The following IRF2 variants were observed in gnomAD, a reference collection of about 807,000 sequenced individuals.
IRF2 encodes the protein interferon regulatory factor 2.
In IRF2, 15 loss-of-function variants were observed where a neutral mutation model predicts 40.6. The observed-to-expected ratio is 0.37, with a 90% CI of 0.25 to 0.57. The LOEUF (loss-of-function observed/expected upper bound fraction) is 0.57. IRF2 is among the 20% of genes least tolerant of loss of function. The pLI is 0.77. For missense variants in IRF2, 317 were observed against 455.7 expected, an observed-to-expected ratio of 0.70 and a Z score of 2.77; for synonymous variants, 151 against 165.5, an observed-to-expected ratio of 0.91 and a Z score of 0.67.
intron 2 of IRF2, among the ~76,000 whole-genome samples, chr4:184,425,508 C>T (rs1485615426): frequency 6.6e-6 from 1 of 152,244 alleles, no homozygotes; most frequent in African/African-American, 2.4e-5. Context: ...GTGCAGGCCT[C>T]GGCCTCTGTT....
chr4:184,449,683 C>T (rs1405867378), intron 1 of IRF2, among the ~76,000 whole-genome samples: 2 of 152,280 alleles, frequency 1.3e-5, no homozygotes. Context: ...GACAGGCAGT[C>T]GGGGATACCT....
At chr4:184,407,714 A>G (rs1161928502) in intron 6 of IRF2, among the ~76,000 whole-genome samples, 1 of 152,214 alleles carries the variant, frequency 6.6e-6, no homozygotes, top group Non-Finnish European at 1.5e-5. Context: ...GTGCTCAAAA[A>G]TATCTGCTGA....
intron 4 of IRF2, 29 bp from the exon 5 acceptor site, chr4:184,418,242 T>A: frequency 6.4e-7 from 1 of 1,572,580 alleles, no homozygotes; most frequent in Non-Finnish European, 8.8e-7. Flanking sequence ...AGTTTTGGAT[T>A]AATTCACGAA....
intron 1 of IRF2, among the ~76,000 whole-genome samples, chr4:184,459,902 T>C (rs576304650): frequency 6.6e-6 from 1 of 152,338 alleles, no homozygotes; most frequent in African/African-American, 2.4e-5. Context: ...CGGTGTGCAT[T>C]GCTGATGGGG....
rs1421969528 is a variant in IRF2, at chr4:184,408,595, G to A, written c.412-320C>T. 6.6e-6 allele frequency among the ~76,000 whole-genome samples: 1 copy of A among 152,198 alleles called. No homozygotes were observed. The highest frequency in any genetic ancestry group is 2.4e-5 in the African/African-American group (1 of 41,454). The stretch of plus-strand genomic sequence containing the variant: ...AGCTGCATCATTGTCTCTGTAAAAT[G>A]CTGCACTGCGTGGATTCTACACTCT... On this transcript the variant is annotated intron_variant, in intron 5 of 8. Transcript: ENST00000393593. This position sits in a 1 kb window ranked among gnomAD's most constrained non-coding sequence, Gnocchi z 4.9.
chr4:184,463,055 C>T (rs979377262), intron 1 of IRF2, among the ~76,000 whole-genome samples: 1 of 152,190 alleles, frequency 6.6e-6, no homozygotes, highest in Non-Finnish European at 1.5e-5. Context: ...ATTTTCATAA[C>T]AGTTCAAGAG....
chr4:184,470,271 A>T (rs1739467994), intron 1 of IRF2, among the ~76,000 whole-genome samples: 1 of 152,228 alleles, frequency 6.6e-6, no homozygotes, highest in African/African-American at 2.4e-5. Flanking sequence ...TGCATATATT[A>T]CGTATTGTAA....
chr4:184,441,589 T>C (rs1346847070), intron 1 of IRF2, among the ~76,000 whole-genome samples: 1 of 152,170 alleles, frequency 6.6e-6, no homozygotes, highest in Non-Finnish European at 1.5e-5. Flanking sequence ...TTTCTGTGAG[T>C]AACTGCCTCA....
rs566814700 is a variant in IRF2 at position 184,438,644 on chromosome 4, G to C, written c.-6-9574C>G. Reference sequence around the variant, plus strand: ...GCAGAAGAGGATATGTGATTCGCCTGCCTTGGCCTCCCAAAGTCCTGGGAT... The same window carrying C: ...GCAGAAGAGGATATGTGATTCGCCTCCCTTGGCCTCCCAAAGTCCTGGGAT... On this transcript the variant is annotated intron_variant, in intron 1 of 8. Transcript: ENST00000393593. Among the ~76,000 whole-genome samples the C allele has an allele frequency of 8.5e-5, 13 of 152,278 alleles. No individual in the cohort carries two copies. The East Asian group carries it at 2.5e-3, about 29-fold the overall frequency.
At chr4:184,455,676 TAAC>T (rs921013911) in intron 1 of IRF2, among the ~76,000 whole-genome samples, 2 of 152,108 alleles carry the variant, frequency 1.3e-5, no homozygotes, top group Non-Finnish European at 2.9e-5. Context: ...CGGATGATAT[TAAC>T]TATACGTTGT....
At chr4:184,452,923 C>T (rs1315983261) in intron 1 of IRF2, among the ~76,000 whole-genome samples, 2 of 151,926 alleles carry the variant, frequency 1.3e-5, no homozygotes, top group East Asian at 3.9e-4. Context: ...TTCCAAACAG[C>T]AGCTTGGCCA....
Position 184,390,764 on chromosome 4 carries a change from A to G in IRF2, c.695-15T>C, listed in dbSNP as rs1431213779. On this transcript the variant is annotated splice_polypyrimidine_tract_variant and intron_variant, in intron 7 of 8. Transcript: ENST00000393593. ...CGTTTCGCTTTCTGTTCACAGAGAG[A>G]AAAACACAGGGCCATCATTCCTGTC... 1.9e-6 allele frequency: 3 copies of G among 1,614,138 alleles called. No homozygotes were observed. Among genetic ancestry groups the G allele is most frequent in the Non-Finnish European group, 2.5e-6 (3 of 1,179,984 alleles).
intron 5 of IRF2, among the ~76,000 whole-genome samples, chr4:184,415,850 T>C (rs1345767538): frequency 6.6e-6 from 1 of 152,248 alleles, no homozygotes; most frequent in Non-Finnish European, 1.5e-5. Context: ...GATGCATCTA[T>C]TCAGTTATCA....
At chr4:184,398,215 G>A (rs1721263234) in intron 7 of IRF2, among the ~76,000 whole-genome samples, 1 of 152,178 alleles carries the variant, frequency 6.6e-6, no homozygotes, top group Non-Finnish European at 1.5e-5. Flanking sequence ...TGAAGGAACA[G>A]GAAGAGATCA....
chr4:184,466,392 C>G (rs60741449), intron 1 of IRF2, among the ~76,000 whole-genome samples: 1 of 152,186 alleles, frequency 6.6e-6, no homozygotes, highest in Non-Finnish European at 1.5e-5. Context: ...TCAGCCCATT[C>G]TATTTCCCTG....
chr4:184,458,547 C>A (rs1399307693), intron 1 of IRF2, among the ~76,000 whole-genome samples: 2 of 152,164 alleles, frequency 1.3e-5, no homozygotes, highest in South Asian at 2.1e-4. Context: ...GTACTTAAAA[C>A]TAATTTTAAG....
intron 1 of IRF2, among the ~76,000 whole-genome samples, chr4:184,471,691 G>A (rs1739519397): frequency 6.6e-6 from 1 of 152,200 alleles, no homozygotes; most frequent in African/African-American, 2.4e-5. Flanking sequence ...TTTCCAGTAA[G>A]TTTAAACATC....
At chr4:184,464,700 G>T (rs761483891) in intron 1 of IRF2, among the ~76,000 whole-genome samples, 10 of 152,210 alleles carry the variant, frequency 6.6e-5, no homozygotes, top group Middle Eastern at 3.4e-3. Flanking sequence ...TATCTCCCTA[G>T]GCATGTGTAT....
intron 1 of IRF2, among the ~76,000 whole-genome samples, chr4:184,455,036 C>T (rs1738861889): frequency 6.6e-6 from 1 of 152,170 alleles, no homozygotes; most frequent in Admixed American, 6.5e-5. Flanking sequence ...ATTCTCCACC[C>T]TGCACATTCT....
Sources: gnomAD v4.1 joint callset for allele counts (sites outside exome capture counted in the v4.1 genomes callset) on GRCh38, gnomAD v4.1.1 for gene constraint, Gnocchi (gnomAD v3.1) non-coding constraint, MANE v1.5 for transcripts, NCBI Gene and HGNC (gene_info 2026-07-23, HGNC 2026-07-21) for gene names.